LMNA: variants seen among roughly 807,000 people sequenced by gnomAD.
LMNA encodes lamin A/C, also known as lamin.
In LMNA, 20 loss-of-function variants were observed where a neutral mutation model predicts 70.4. The observed-to-expected ratio is 0.28, with a 90% confidence interval of 0.20 to 0.41. The LOEUF is 0.41. Ranked by LOEUF, LMNA falls within the 10% of genes least tolerant of loss-of-function variation. The pLI is 1.00. For synonymous variants in LMNA, 339 were observed against 372.8 expected, an observed-to-expected ratio of 0.91 and a Z score of 1.04; for missense variants, 652 against 917.2, an observed-to-expected ratio of 0.71 and a Z score of 3.73.
chr1:156,089,711 C>T (rs1648622116), intron 2 of LMNA, among the ~76,000 whole-genome samples: 1 of 152,162 alleles, frequency 6.6e-6, no homozygotes, highest in South Asian at 2.1e-4. Context: ...TCTCCAAGGG[C>T]TTTGCAGGCT....
At chr1:156,126,849 G>C (rs917849016) in intron 1 of LMNA, 1 of 1,612,110 alleles carries the variant, frequency 6.2e-7, no homozygotes. Context: ...GCAAGGGAAA[G>C]GACTGGCACT....
Position 156,139,226 on chromosome 1 carries a change from G to A in LMNA, c.*120G>A. The A allele has an allele frequency of 6.6e-7, 1 of 1,518,988 alleles. No homozygotes were observed. The highest frequency in any genetic ancestry group is 8.8e-7 in the Non-Finnish European group (1 of 1,141,914). The allele number at this position is 1,518,988 out of a possible 1,614,324, so 94.1% of individuals were successfully genotyped here. Reference sequence around the variant, plus strand: ...TGAAGCCAAAGAAAAATAACCCTTTGGTTTTTTTCTTCTGTATTTTTTTTT... The same window carrying A: ...TGAAGCCAAAGAAAAATAACCCTTTAGTTTTTTTCTTCTGTATTTTTTTTT... On this transcript the variant is annotated 3_prime_UTR_variant, in exon 12 of 12. Transcript: ENST00000368300.
In LMNA at chr1:156,138,997, AC is replaced by A. The variant is rs1162646975; in HGVS notation, c.1969-81del. 1 of 1,468,678 alleles carries A rather than the reference AC, an allele frequency of 6.8e-7. No homozygotes were observed. The highest frequency in any genetic ancestry group is 9.5e-7 in the Non-Finnish European group (1 of 1,049,082). 91.0% of individuals were successfully genotyped at this position (1,468,678 alleles called of 1,614,324 possible). ...GAGTGTGAGGGATGGGGGAGATGCT[AC>A]CTCCCTTCTAGGGGCCAGGGGAGGG... On this transcript the variant is annotated intron_variant, in intron 11 of 11. Transcript: ENST00000368300. This position sits in a 1 kb window ranked among gnomAD's most constrained non-coding sequence, Gnocchi z 5.5.
chr1:156,110,072 G>A, upstream of LMNA, among the ~76,000 whole-genome samples: 1 of 151,840 alleles, frequency 6.6e-6, no homozygotes, highest in Non-Finnish European at 1.5e-5. Flanking sequence ...TGAACTCCTG[G>A]GCTCAAGCAA....
intron 3 of LMNA, among the ~76,000 whole-genome samples, chr1:156,106,995 A>G (rs547872363): frequency 6.6e-6 from 1 of 151,112 alleles, no homozygotes; most frequent in Admixed American, 6.6e-5. Flanking sequence ...GGGAAAGAGT[A>G]TATTTAACCT....
chr1:156,130,866 T>A, intron 2 of LMNA, 93 bp downstream of exon 2: 3 of 1,237,722 alleles, frequency 2.4e-6, no homozygotes, highest in Non-Finnish European at 2.3e-6. Context: ...GTGCCTGGTC[T>A]GACCTGTCAC....
chr1:156,108,823 A>G (rs114103760), intron 3 of LMNA, among the ~76,000 whole-genome samples: 3,760 of 152,310 alleles, frequency 0.025, 59 homozygotes, highest in Middle Eastern at 0.041. Flanking sequence ...GTGATTCTCA[A>G]TAAGGGGTAA....
rs1553259427 is a variant in LMNA at position 156,086,392 on chromosome 1, G to GAC, written c.-319+3209_-319+3210dup. On this transcript the variant is annotated intron_variant, in intron 2 of 12. Coordinates refer to the LMNA transcript ENST00000368301. ...AAGCCCTGGAATGCAGGTGACCTCT[G>GAC]ACTCTCTCTCTCTCTCTCTCTCTCT... Among the ~76,000 whole-genome samples the GAC allele has an allele frequency of 1.0e-4, 6 of 57,916 alleles. No homozygotes were observed. The Admixed American group carries it at 1.1e-3, about 11-fold the overall frequency. 38.0% of individuals were successfully genotyped at this position (57,916 alleles called of 152,430 possible).
intron 3 of LMNA, among the ~76,000 whole-genome samples, chr1:156,105,809 C>G (rs564414535): frequency 6.6e-6 from 1 of 152,240 alleles, no homozygotes; most frequent in East Asian, 1.9e-4. Context: ...ACAACTGTCC[C>G]TATTTTAGCA....
At chr1:156,098,624 C>A (rs1028590945) in intron 3 of LMNA, among the ~76,000 whole-genome samples, 1 of 152,230 alleles carries the variant, frequency 6.6e-6, no homozygotes, top group Middle Eastern at 3.4e-3. Flanking sequence ...AATCACTTAC[C>A]TTTTCTGAGC....
Position 156,134,477 on chromosome 1 carries a change from G to GA in LMNA, c.588_589insA (p.Leu197ThrfsTer17). ...TGCGGCGGGTGGATGCTGAGAACAG[G>GA]CTGCAGACCATGAAGGAGGAACTGG... On this transcript the variant is annotated frameshift_variant, in exon 3 of 12. Transcript: ENST00000368300. LOFTEE classifies it high-confidence loss of function. This position sits in a 1 kb window ranked among gnomAD's most constrained non-coding sequence, Gnocchi z 5.3. The GA allele has an allele frequency of 6.2e-7, 1 of 1,614,226 alleles. No homozygotes were observed. Among genetic ancestry groups the GA allele is most frequent in the Non-Finnish European group, 8.5e-7 (1 of 1,180,044 alleles).
intron 11 of LMNA, 59 bp from the exon 12 acceptor site, chr1:156,139,021 G>T: frequency 1.3e-6 from 2 of 1,569,628 alleles, no homozygotes; most frequent in South Asian, 2.2e-5. Flanking sequence ...GGCCAGGGGA[G>T]GGAGGGTCTG....
At chr1:156,102,891 A>G (rs1047501676) in intron 3 of LMNA, among the ~76,000 whole-genome samples, 1 of 152,158 alleles carries the variant, frequency 6.6e-6, no homozygotes, top group South Asian at 2.1e-4. Context: ...TGCTGTGTCT[A>G]TAGGTCTTCC....
intron 2 of LMNA, among the ~76,000 whole-genome samples, chr1:156,133,412 G>A (rs2485665): frequency 0.21 from 31,946 of 151,202 alleles, 7,034 homozygotes; most frequent in African/African-American, 0.57. Context: ...CTCTACTAAA[G>A]ATACAAAAAT....
chr1:156,090,628 G>GACCCCTGACTCCCTAA (rs1648660228), intron 3 of LMNA: 1 of 152,366 alleles, frequency 6.6e-6, no homozygotes, highest in South Asian at 2.1e-4. Context: ...TCTGACCCCA[G>GACCCCTGACTCCCTAA]AGCCTGGGAC....
At chr1:156,087,976 A>G (rs534496545) in intron 2 of LMNA, among the ~76,000 whole-genome samples, 6 of 151,004 alleles carry the variant, frequency 4.0e-5, no homozygotes, top group African/African-American at 1.2e-4. Context: ...GGTTCAAGTG[A>G]TTCTCCTGCC....
chr1:156,123,616 C>A (rs925136990), intron 1 of LMNA, among the ~76,000 whole-genome samples: 1 of 152,186 alleles, frequency 6.6e-6, no homozygotes, highest in African/African-American at 2.4e-5. Flanking sequence ...CTCCCTCCTC[C>A]AGGCACTACT....
At chr1:156,129,763 G>A in intron 1 of LMNA, 1 of 693,732 alleles carries the variant, frequency 1.4e-6, no homozygotes. Context: ...AAAGGTGAGG[G>A]AGGTGGCAGA....
rs186412691 is a variant in LMNA at position 156,102,793 on chromosome 1, T to A, written c.-206-11920T>A. ...GAGGGGGCAGTGAGTCACGTTTCCATGTGTATTTTTCAAACTTTCCGATGG... is the reference window on the plus strand; with the variant it reads ...GAGGGGGCAGTGAGTCACGTTTCCAAGTGTATTTTTCAAACTTTCCGATGG... On this transcript the variant is annotated intron_variant, in intron 3 of 12. Coordinates refer to the LMNA transcript ENST00000368301. 4.1e-3 allele frequency among the ~76,000 whole-genome samples: 628 copies of A among 152,322 alleles called. 2 individuals are homozygous for A. Among genetic ancestry groups the A allele is most frequent in the African/African-American group, 0.014 (602 of 41,578 alleles).
Sources: allele counts gnomAD v4.1 joint callset (sites outside exome capture counted in the v4.1 genomes callset), GRCh38; gene constraint gnomAD v4.1.1; non-coding constraint Gnocchi (gnomAD v3.1); transcripts MANE v1.5; gene names NCBI Gene and HGNC (gene_info 2026-07-23, HGNC 2026-07-21).